The following ABCD4 variants were observed in gnomAD, a reference collection of about 807,000 sequenced individuals.
ABCD4 encodes the protein lysosomal cobalamin transporter ABCD4.
Under a neutral mutation model 86.3 loss-of-function variants are expected in ABCD4, and 53 were observed. The observed-to-expected ratio is 0.61, with a 90% CI of 0.49 to 0.77. The LOEUF (loss-of-function observed/expected upper bound fraction) is 0.77, where lower values mean the gene tolerates loss of function less well. ABCD4 is among the 30% of genes least tolerant of loss of function. The probability of loss-of-function intolerance (pLI) is 0.00; values close to 1 mark genes in which losing one functional copy is unlikely to be tolerated. For missense variants in ABCD4, 757 were observed against 764.5 expected (o/e 0.99, Z 0.12); for synonymous variants, 328 against 313.6 (o/e 1.05, Z -0.49).
At chr14:74,294,804 C>T in intron 7 of ABCD4, 2 of 287,020 alleles carry the variant, frequency 7.0e-6, no homozygotes. Flanking sequence ...ACCTCAGGCA[C>T]TGGCAAGAAA....
At chr14:74,297,679 C>G in intron 4 of ABCD4, 1 of 1,164,236 alleles carries the variant, frequency 8.6e-7, no homozygotes, top group Non-Finnish European at 1.1e-6. Context: ...CCTGCCTCAG[C>G]CTCCTGAGTT....
In ABCD4 at chr14:74,302,895, G is replaced by A. The variant is rs767735716; in HGVS notation, c.18C>T (p.Pro6=). Residue 6 remains proline, a synonymous_variant, in exon 1 of 19, where the codon CCC becomes CCT. Transcript: ENST00000356924. The part of the protein sequence containing the change: MAVAG[P]APGAGARPRL... ...CTTACCTGGCGCCAGCTCCGGGCGC[G>A]GGCCCCGCGACCGCCATGACCTGAG... 3.7e-6 allele frequency: 6 copies of A among 1,606,886 alleles called. No homozygotes were observed. The highest frequency in any genetic ancestry group is 4.5e-5 in the East Asian group (2 of 43,966).
At chr14:74,295,590 T>G (rs183318486) in intron 6 of ABCD4, 3 of 559,116 alleles carry the variant, frequency 5.4e-6, no homozygotes, top group African/African-American at 1.9e-5. Flanking sequence ...GAGATGACAA[T>G]GACGATGGTG....
chr14:74,286,634 T>A, intron 18 of ABCD4, 67 bp downstream of exon 18: 4 of 1,612,736 alleles, frequency 2.5e-6, no homozygotes, highest in Non-Finnish European at 3.4e-6. Context: ...GAGGGGCCTC[T>A]GGCCCTGGCC....
At chr14:74,292,967 G>A (rs527617930) in intron 8 of ABCD4, 98 bp from the exon 9 acceptor site, 56 of 1,566,286 alleles carry the variant, frequency 3.6e-5, no homozygotes, top group Admixed American at 2.2e-4. Flanking sequence ...GTAGGGCCAC[G>A]TGGACTCTCT....
intron 5 of ABCD4, 135 bp from the exon 6 acceptor site, chr14:74,296,114 ATGTG>A: frequency 1.6e-6 from 2 of 1,265,754 alleles, no homozygotes; most frequent in Non-Finnish European, 2.2e-6. Flanking sequence ...CTCTGCTCCT[ATGTG>A]GGGGCATCTG....
chr14:74,288,395 G>A (rs1040867200), intron 15 of ABCD4, 136 bp from the exon 16 acceptor site: 18 of 817,296 alleles, frequency 2.2e-5, no homozygotes, highest in African/African-American at 6.9e-5. Context: ...ATACCAAGGC[G>A]GGGGACTGTG....
chr14:74,290,249 G>A (rs777309943), intron 12 of ABCD4, 42 bp downstream of exon 12: 3 of 1,613,186 alleles, frequency 1.9e-6, no homozygotes, highest in South Asian at 1.1e-5. Flanking sequence ...CCCACCCCTA[G>A]GGCCCAGGCT....
At chr14:74,292,992 C>A (rs932630675) in intron 8 of ABCD4, 123 bp from the exon 9 acceptor site, 2 of 1,496,248 alleles carry the variant, frequency 1.3e-6, no homozygotes, top group Admixed American at 1.8e-5. Flanking sequence ...CCTCATTCTC[C>A]TGAGGATACT....
At chr14:74,295,714 T>C (rs2082675020) in intron 6 of ABCD4, 140 bp downstream of exon 6, 8 of 1,103,564 alleles carry the variant, frequency 7.2e-6, no homozygotes, top group Middle Eastern at 4.0e-4. Flanking sequence ...ACATTGAAGC[T>C]TGGAGAGGTT....
At chr14:74,301,457 GC>G (rs1403333362) in intron 1 of ABCD4, among the ~76,000 whole-genome samples, 1 of 87,712 alleles carries the variant, frequency 1.1e-5, no homozygotes, top group African/African-American at 1.0e-4. Context: ...ACCGGGCATG[GC>G]CAGGATCTAA....
chr14:74,296,099 G>A, intron 5 of ABCD4, 120 bp from the exon 6 acceptor site: 1 of 1,359,206 alleles, frequency 7.4e-7, no homozygotes, highest in Non-Finnish European at 1.0e-6. Flanking sequence ...GTGGCCCAAT[G>A]GGCCCTCTGC....
chr14:74,299,015 G>T (rs1435605667), intron 3 of ABCD4: 1 of 156,002 alleles, frequency 6.4e-6, no homozygotes, highest in East Asian at 1.9e-4. Context: ...AGAGTTTGGT[G>T]GAGGAGACAC....
chr14:74,287,775 C>A, intron 17 of ABCD4, 35 bp downstream of exon 17: 6 of 1,579,168 alleles, frequency 3.8e-6, no homozygotes, highest in Non-Finnish European at 5.2e-6. Context: ...GTGCAGACAG[C>A]GCATGGCATG....
Position 74,292,737 on chromosome 14 carries a change from G to C in ABCD4, c.936+11C>G, listed in dbSNP as rs759765179. Reference sequence around the variant, plus strand: ...GGGACAGCATGTGGGGTGACCAAGAGGGAGTCTCACCTTGCTGACCAGGGT... The same window carrying C: ...GGGACAGCATGTGGGGTGACCAAGACGGAGTCTCACCTTGCTGACCAGGGT... On this transcript the variant is annotated intron_variant, in intron 9 of 18. Coordinates refer to ENST00000356924, the MANE Select transcript of ABCD4 (RefSeq NM_005050.4). 12 of 1,613,854 alleles carry C rather than the reference G, an allele frequency of 7.4e-6. No individual in the cohort carries two copies. Among genetic ancestry groups the C allele is most frequent in the Non-Finnish European group, 3.4e-6 (4 of 1,179,944 alleles).
chr14:74,291,165 C>A (rs748101188), intron 11 of ABCD4, among the ~76,000 whole-genome samples: 46 of 152,164 alleles, frequency 3.0e-4, no homozygotes, highest in Non-Finnish European at 7.3e-5. Context: ...ACCCTGCTGA[C>A]AACTTGATCG....
rs1337872562 is a variant in ABCD4 at position 74,292,832 on chromosome 14, C to G, written c.852G>C (p.Leu284=). The change falls in exon 9 of 19, where the codon CTG becomes CTC. Residue 284 remains leucine, a synonymous_variant. Transcript: ENST00000356924. ...TGGGGATTGCGATGACAACGTAACT[C>G]AGGATGCTGCCCAGATAGTCAAAGG... ...INTFDYLGSI[L]SYVVIAIPIF... is the part of the protein sequence containing the mutation. 6.2e-7 allele frequency: 1 copy of G among 1,614,134 alleles called. No individual in the cohort carries two copies. The highest frequency in any genetic ancestry group is 8.5e-7 in the Non-Finnish European group (1 of 1,180,020).
chr14:74,293,790 T>A (rs2082156812), intron 7 of ABCD4: 1 of 152,288 alleles, frequency 6.6e-6, no homozygotes, highest in Non-Finnish European at 1.5e-5. Context: ...CACACTGCAT[T>A]CTTCACTTGG....
At chr14:74,289,638 T>C (rs1280482866) in intron 13 of ABCD4, 119 bp from the exon 14 acceptor site, 6 of 1,506,870 alleles carry the variant, frequency 4.0e-6, no homozygotes, top group African/African-American at 1.4e-5. Context: ...TGGGAACGCC[T>C]GGCCTGGGTC....
Sources: allele counts gnomAD v4.1 joint callset (sites outside exome capture counted in the v4.1 genomes callset), GRCh38; gene constraint gnomAD v4.1.1; transcripts MANE v1.5; gene names NCBI Gene and HGNC (gene_info 2026-07-23, HGNC 2026-07-21).